Variants in DLG2 observed in about 807,000 individuals in gnomAD.
DLG2 encodes the protein discs large MAGUK scaffold protein 2.
Under a neutral mutation model 132.5 loss-of-function variants are expected in DLG2, and 45 were observed. The observed-to-expected ratio is 0.34, with a 90% CI of 0.27 to 0.44. The LOEUF (loss-of-function observed/expected upper bound fraction) is 0.44. Ranked by LOEUF, DLG2 falls within the 20% of genes least tolerant of loss-of-function variation. DLG2 has a pLI of 1.00. For missense variants in DLG2, 1,045 were observed against 1,196.9 expected (o/e 0.87, Z 1.87); for synonymous variants, 424 against 419.6 (o/e 1.01, Z -0.13).
intron 11 of DLG2, among the ~76,000 whole-genome samples, chr11:84,026,470 C>T (rs1375403003): frequency 2.6e-5 from 4 of 151,960 alleles, no homozygotes; most frequent in Non-Finnish European, 5.9e-5. Flanking sequence ...TATTATCCAA[C>T]CTTTACAGAG....
intron 7 of DLG2, among the ~76,000 whole-genome samples, chr11:84,299,403 G>C (rs188455874): frequency 2.5e-4 from 38 of 152,218 alleles, no homozygotes; most frequent in Non-Finnish European, 3.4e-4. Context: ...CAAGCACGGA[G>C]AGCAGAAATG....
chr11:84,896,195 T>A (rs1352448077), intron 6 of DLG2, among the ~76,000 whole-genome samples: 1 of 152,118 alleles, frequency 6.6e-6, no homozygotes, highest in Non-Finnish European at 1.5e-5. Flanking sequence ...AATGAAAATA[T>A]GATCTTTAAT....
intron 3 of DLG2, among the ~76,000 whole-genome samples, chr11:85,406,654 A>G (rs986637601): frequency 6.6e-6 from 1 of 151,908 alleles, no homozygotes; most frequent in African/African-American, 2.4e-5. Context: ...CTGGTATTCA[A>G]TAATAACACT....
intron 3 of DLG2, among the ~76,000 whole-genome samples, chr11:85,340,938 A>G (rs149658065): frequency 2.6e-5 from 4 of 152,290 alleles, no homozygotes; most frequent in Non-Finnish European, 5.9e-5. Context: ...ACTTTTGTGT[A>G]TGATGTGAGA....
At chr11:83,927,082 C>T (rs1475860727) in intron 15 of DLG2, among the ~76,000 whole-genome samples, 1 of 152,098 alleles carries the variant, frequency 6.6e-6, no homozygotes, top group Non-Finnish European at 1.5e-5. Context: ...GTTTTATATA[C>T]CTACTAAGAA....
chr11:84,501,872 AG>A (rs2099206902), intron 7 of DLG2, among the ~76,000 whole-genome samples: 1 of 152,134 alleles, frequency 6.6e-6, no homozygotes, highest in African/African-American at 2.4e-5. Flanking sequence ...ATAAGGGTAG[AG>A]GATTTTTTTT....
At chr11:84,433,323 G>A (rs2098990404) in intron 7 of DLG2, among the ~76,000 whole-genome samples, 1 of 152,136 alleles carries the variant, frequency 6.6e-6, no homozygotes, top group South Asian at 2.1e-4. Context: ...TACGTAACCA[G>A]AAATTGCACT....
chr11:83,710,211 G>A (rs1343114425), intron 18 of DLG2, among the ~76,000 whole-genome samples: 1 of 151,478 alleles, frequency 6.6e-6, no homozygotes, highest in African/African-American at 2.4e-5. Context: ...TGCCCAGTCT[G>A]GAGTGCAGTG....
intron 6 of DLG2, among the ~76,000 whole-genome samples, chr11:84,980,684 T>C (rs1371235290): frequency 6.6e-6 from 1 of 152,190 alleles, no homozygotes; most frequent in African/African-American, 2.4e-5. Context: ...TGACCATGAT[T>C]ATCAACTTTC....
At chr11:84,184,545 C>A (rs1406061266) in intron 8 of DLG2, among the ~76,000 whole-genome samples, 3 of 151,330 alleles carry the variant, frequency 2.0e-5, no homozygotes, top group Admixed American at 2.0e-4. Flanking sequence ...ATGGTAGTTT[C>A]TTTTGCTGTG....
intron 6 of DLG2, among the ~76,000 whole-genome samples, chr11:85,022,761 G>A (rs2060190052): frequency 6.6e-6 from 1 of 152,062 alleles, no homozygotes; most frequent in Admixed American, 6.5e-5. Context: ...ACCCGAACAA[G>A]TTGAAACTTA....
At chr11:84,353,192 C>T (rs934945910) in intron 7 of DLG2, among the ~76,000 whole-genome samples, 1 of 152,112 alleles carries the variant, frequency 6.6e-6, no homozygotes, top group South Asian at 2.1e-4. Context: ...TGTTTTTTAC[C>T]GCTTGCCTTA....
Position 85,006,908 on chromosome 11 carries a change from C to A in DLG2, c.357+104753G>T, listed in dbSNP as rs149037597. On this transcript the variant is annotated intron_variant, in intron 6 of 27. Transcript: ENST00000376104. ...CTCTAAATATATTTCTATTTTCATACAATAAGTATAGAATCTTAGCAAATA... is the reference window on the plus strand; with the variant it reads ...CTCTAAATATATTTCTATTTTCATAAAATAAGTATAGAATCTTAGCAAATA... Among the ~76,000 whole-genome samples the A allele has an allele frequency of 8.5e-5, 13 of 152,136 alleles. 1 individual carries two copies. Among genetic ancestry groups the A allele is most frequent in the Admixed American group, 8.5e-4 (13 of 15,274 alleles).
intron 4 of DLG2, among the ~76,000 whole-genome samples, chr11:85,157,724 G>T (rs554024817): frequency 7.9e-5 from 12 of 152,192 alleles, no homozygotes; most frequent in African/African-American, 2.9e-4. Flanking sequence ...TGAAATTGTG[G>T]GAAAACAGAC....
At chr11:83,818,024 T>C (rs750763853) in intron 17 of DLG2, among the ~76,000 whole-genome samples, 1 of 152,224 alleles carries the variant, frequency 6.6e-6, no homozygotes, top group Non-Finnish European at 1.5e-5. Context: ...TCCTAGCATA[T>C]TGGAGCTGGA....
chr11:83,842,168 C>T (rs1285463035), intron 16 of DLG2, among the ~76,000 whole-genome samples: 2 of 152,280 alleles, frequency 1.3e-5, no homozygotes, highest in East Asian at 3.9e-4. Flanking sequence ...TGTGACAGAT[C>T]ATCAGCAGCA....
chr11:84,894,711 C>T (rs777495191), intron 6 of DLG2, among the ~76,000 whole-genome samples: 9 of 152,130 alleles, frequency 5.9e-5, no homozygotes, highest in Non-Finnish European at 1.2e-4. Context: ...CAATGATACT[C>T]TATATCACAT....
chr11:85,099,891 C>A (rs968042064), intron 6 of DLG2, among the ~76,000 whole-genome samples: 1 of 152,114 alleles, frequency 6.6e-6, no homozygotes, highest in Non-Finnish European at 1.5e-5. Flanking sequence ...TGCACTGGAC[C>A]TGGCACTCCA....
At chr11:84,853,704 C>CA (rs755449256) in intron 6 of DLG2, among the ~76,000 whole-genome samples, 12 of 151,922 alleles carry the variant, frequency 7.9e-5, no homozygotes, top group Non-Finnish European at 1.5e-4. Context: ...CAAACAAGAC[C>CA]ATTGAAAACC....
Sources: gnomAD v4.1 joint callset for allele counts (sites outside exome capture counted in the v4.1 genomes callset) on GRCh38, gnomAD v4.1.1 for gene constraint, MANE v1.5 for transcripts, NCBI Gene and HGNC (gene_info 2026-07-23, HGNC 2026-07-21) for gene names.